Variants in CDC42SE2 observed in about 807,000 individuals in gnomAD.
The protein encoded by CDC42SE2 is CDC42 small effector protein 2.
CDC42SE2 carries 3 observed loss-of-function variants against 11.5 expected under a neutral mutation model. The observed-to-expected ratio is 0.26, with a 90% confidence interval of 0.12 to 0.67. The LOEUF is 0.67. CDC42SE2 is among the 30% of genes least tolerant of loss of function. The pLI is 0.80. For synonymous variants in CDC42SE2, 33 were observed against 34.8 expected, an observed-to-expected ratio of 0.95 and a Z score of 0.18; for missense variants, 82 against 106.8, an observed-to-expected ratio of 0.77 and a Z score of 1.02.
chr5:131,362,132 C>T (rs1003857950), intron 3 of CDC42SE2, among the ~76,000 whole-genome samples: 1 of 152,066 alleles, frequency 6.6e-6, no homozygotes, highest in Non-Finnish European at 1.5e-5. Flanking sequence ...TTTCTCTACC[C>T]AGCACTTCCC....
intron 2 of CDC42SE2, among the ~76,000 whole-genome samples, chr5:131,322,233 TTAAG>T (rs1043314629): frequency 1.3e-5 from 2 of 152,196 alleles, no homozygotes; most frequent in Non-Finnish European, 2.9e-5. Context: ...TTGAGTAGTG[TTAAG>T]TATGTTCACA....
At chr5:131,245,143 G>T (rs564584424), upstream of CDC42SE2, among the ~76,000 whole-genome samples, 1 of 152,274 alleles carries the variant, frequency 6.6e-6, no homozygotes, top group Admixed American at 6.5e-5. Context: ...TCTGGGAGCT[G>T]GTCCCCAACT....
intron 2 of CDC42SE2, among the ~76,000 whole-genome samples, chr5:131,329,920 AAAG>A (rs1561586636): frequency 2.1e-4 from 30 of 141,892 alleles, no homozygotes; most frequent in South Asian, 4.5e-4. Flanking sequence ...AAAAAAAAAA[AAAG>A]AAGAAGCGCT....
chr5:131,361,846 G>C (rs1749718606), intron 3 of CDC42SE2, among the ~76,000 whole-genome samples: 1 of 152,242 alleles, frequency 6.6e-6, no homozygotes, highest in African/African-American at 2.4e-5. Flanking sequence ...TGGCCTGCTG[G>C]CATGCTGGTG....
upstream of CDC42SE2, among the ~76,000 whole-genome samples, chr5:131,240,968 T>C: frequency 6.6e-6 from 1 of 151,958 alleles, no homozygotes; most frequent in East Asian, 1.9e-4. Flanking sequence ...TTGTTTTTGT[T>C]TTTGTTTTTG....
chr5:131,284,022 A>C (rs558251185), intron 1 of CDC42SE2, among the ~76,000 whole-genome samples: 1 of 152,276 alleles, frequency 6.6e-6, no homozygotes, highest in South Asian at 2.1e-4. Context: ...CTCTGTGTTT[A>C]ATATTTTGCA....
chr5:131,390,407 G>A (rs1202695930), intron 4 of CDC42SE2, among the ~76,000 whole-genome samples: 2 of 151,926 alleles, frequency 1.3e-5, no homozygotes, highest in East Asian at 1.9e-4. Flanking sequence ...TTGATCGGCC[G>A]GGTGCGGTGG....
chr5:131,212,438 A>AT, the CDC42SE2 span, among the ~76,000 whole-genome samples: 6 of 151,856 alleles, frequency 4.0e-5, no homozygotes, highest in African/African-American at 1.5e-4. Context: ...CTCACCAGTG[A>AT]TTTTTTTCCC....
intron 1 of CDC42SE2, among the ~76,000 whole-genome samples, chr5:131,297,290 A>G (rs559822959): frequency 1.3e-5 from 2 of 151,918 alleles, no homozygotes; most frequent in South Asian, 4.1e-4. Context: ...ATTCTTCTCC[A>G]TTGTTTTTCT....
the CDC42SE2 span, among the ~76,000 whole-genome samples, chr5:131,227,810 C>T: frequency 9.9e-4 from 150 of 152,202 alleles, no homozygotes; most frequent in Non-Finnish European, 2.0e-3. Flanking sequence ...TTTGGGAGGC[C>T]AAGGTGGGCA....
chr5:131,369,309 T>G (rs979770016), intron 3 of CDC42SE2, among the ~76,000 whole-genome samples: 1 of 152,212 alleles, frequency 6.6e-6, no homozygotes. Flanking sequence ...GGCTGTACCA[T>G]AATAGATTTT....
chr5:131,218,174 CAA>C, the CDC42SE2 span, among the ~76,000 whole-genome samples: 2,580 of 74,672 alleles, frequency 0.035, 19 homozygotes, highest in Middle Eastern at 0.14. Flanking sequence ...GACCCTGTCT[CAA>C]AAAAAAAAAA....
At chr5:131,261,935 T>C (rs1756730137), upstream of CDC42SE2, among the ~76,000 whole-genome samples, 1 of 150,400 alleles carries the variant, frequency 6.6e-6, no homozygotes, top group Non-Finnish European at 1.5e-5. Flanking sequence ...TTTTAACTGA[T>C]GAGAAGGGTG....
At chr5:131,214,826 G>A in the CDC42SE2 span, among the ~76,000 whole-genome samples, 1 of 152,184 alleles carries the variant, frequency 6.6e-6, no homozygotes, top group Non-Finnish European at 1.5e-5. Flanking sequence ...GCAACTCTTA[G>A]AAAGAGCCAT....
At chr5:131,298,219 C>T (rs189404522) in intron 1 of CDC42SE2, among the ~76,000 whole-genome samples, 3 of 151,862 alleles carry the variant, frequency 2.0e-5, no homozygotes, top group Admixed American at 6.6e-5. Context: ...TCTCCTGCCT[C>T]AGCCTCCTGA....
intron 2 of CDC42SE2, among the ~76,000 whole-genome samples, chr5:131,323,888 AGTT>A (rs1317585790): frequency 6.6e-6 from 1 of 152,192 alleles, no homozygotes; most frequent in Admixed American, 6.5e-5. Context: ...GAGCAAGATC[AGTT>A]GTTAAGAATT....
intron 2 of CDC42SE2, among the ~76,000 whole-genome samples, chr5:131,350,633 G>GTA (rs1408123859): frequency 4.3e-4 from 60 of 140,186 alleles, no homozygotes; most frequent in Middle Eastern, 3.7e-3. Context: ...GTGTGTGTGT[G>GTA]TGTGTATATA....
At chr5:131,290,759 C>T (rs1477846522) in intron 1 of CDC42SE2, among the ~76,000 whole-genome samples, 2 of 151,986 alleles carry the variant, frequency 1.3e-5, no homozygotes, top group Non-Finnish European at 2.9e-5. Context: ...GGATTATAGG[C>T]ATGAGCCACC....
chr5:131,349,080 G>T (rs947403851), intron 2 of CDC42SE2, among the ~76,000 whole-genome samples: 1 of 152,042 alleles, frequency 6.6e-6, no homozygotes, highest in African/African-American at 2.4e-5. Flanking sequence ...ATAGGCATGG[G>T]CAAGGACTTC....
Sources: allele counts gnomAD v4.1 joint callset (sites outside exome capture counted in the v4.1 genomes callset), GRCh38; gene constraint gnomAD v4.1.1; transcripts MANE v1.5; gene names NCBI Gene and HGNC (gene_info 2026-07-23, HGNC 2026-07-21).